Variants in IGSF5 observed in about 807,000 individuals in gnomAD.
IGSF5 encodes immunoglobulin superfamily member 5.
In IGSF5, 41 loss-of-function variants were observed where a neutral mutation model predicts 39.4. That is an observed-to-expected ratio of 1.04 (90% CI 0.81 to 1.35). IGSF5 has a LOEUF of 1.35. Among genes scored for constraint, IGSF5 ranks in the 40% most tolerant of loss-of-function variants. The probability of loss-of-function intolerance (pLI) is 0.00; values close to 1 mark genes in which losing one functional copy is unlikely to be tolerated. For missense variants in IGSF5, 487 were observed against 494.6 expected, an observed-to-expected ratio of 0.98 and a Z score of 0.15; for synonymous variants, 183 against 175.3, an observed-to-expected ratio of 1.04 and a Z score of -0.34.
At chr21:39,768,580 T>C (rs914134810) in intron 3 of IGSF5, among the ~76,000 whole-genome samples, 3 of 152,200 alleles carry the variant, frequency 2.0e-5, no homozygotes, top group Non-Finnish European at 4.4e-5. Flanking sequence ...CTAGACCTCT[T>C]ATGTTTTGAG....
At chr21:39,769,214 G>A (rs1447179626) in intron 3 of IGSF5, among the ~76,000 whole-genome samples, 1 of 152,186 alleles carries the variant, frequency 6.6e-6, no homozygotes, top group East Asian at 1.9e-4. Flanking sequence ...GGTGGCTCAT[G>A]CCTGTAATCC....
intron 5 of IGSF5, among the ~76,000 whole-genome samples, chr21:39,780,706 C>T (rs1052196528): frequency 1.3e-5 from 2 of 152,094 alleles, no homozygotes; most frequent in African/African-American, 4.8e-5. Context: ...AAGCAGTAGC[C>T]TTGCTTGCGG....
chr21:39,790,978 C>T (rs1365994146), intron 6 of IGSF5, among the ~76,000 whole-genome samples: 1 of 152,138 alleles, frequency 6.6e-6, no homozygotes, highest in South Asian at 2.1e-4. Flanking sequence ...ATGTTATATG[C>T]ATATGCAAAT....
the IGSF5 span, among the ~76,000 whole-genome samples, chr21:39,726,897 T>C: frequency 6.6e-6 from 1 of 152,164 alleles, no homozygotes; most frequent in African/African-American, 2.4e-5. Context: ...TCCACTGCTT[T>C]GACCACATAT....
chr21:39,740,838 G>C (rs1362070563), upstream of IGSF5, among the ~76,000 whole-genome samples: 1 of 152,222 alleles, frequency 6.6e-6, no homozygotes, highest in African/African-American at 2.4e-5. Context: ...TGATATTTAA[G>C]TAAATGGTTG....
chr21:39,790,412 C>A (rs545116652), intron 6 of IGSF5, among the ~76,000 whole-genome samples: 3 of 152,144 alleles, frequency 2.0e-5, no homozygotes, highest in Non-Finnish European at 4.4e-5. Context: ...GTAGTCCCAG[C>A]GCTTTGGGAG....
At chr21:39,727,115 C>A in the IGSF5 span, among the ~76,000 whole-genome samples, 2 of 152,196 alleles carry the variant, frequency 1.3e-5, no homozygotes, top group African/African-American at 4.8e-5. Flanking sequence ...GAAACCAAAT[C>A]TTGGAAGTAG....
intron 2 of IGSF5, among the ~76,000 whole-genome samples, chr21:39,756,871 TGGAA>T (rs1481125756): frequency 6.6e-6 from 1 of 151,930 alleles, no homozygotes; most frequent in Non-Finnish European, 1.5e-5. Context: ...CAAAGGGGGT[TGGAA>T]GGAAGGAACA....
At position 39,745,221 on chromosome 21, in the gene IGSF5, G is replaced by T. The variant is rs1388121570; in HGVS notation, c.-289G>T. Among the ~76,000 whole-genome samples the T allele has an allele frequency of 3.3e-5, 5 of 151,518 alleles. No individual in the cohort carries two copies. Among genetic ancestry groups the T allele is most frequent in the Admixed American group, 6.6e-5 (1 of 15,206 alleles). ...TCTCTCTTAGCCATTACAAACTTGG[G>T]GCCCTGGCAAGGGTGGTGGGGAATG... On this transcript the variant is annotated 5_prime_UTR_variant, in exon 1 of 9. Coordinates refer to ENST00000380588, the MANE Select transcript of IGSF5 (RefSeq NM_001080444.2).
intron 2 of IGSF5, among the ~76,000 whole-genome samples, chr21:39,749,858 G>A (rs192707868): frequency 5.1e-4 from 78 of 152,308 alleles, no homozygotes; most frequent in Non-Finnish European, 9.0e-4. Context: ...TAAGCAATAC[G>A]GCAGAGAAAG....
chr21:39,761,636 A>G (rs1010528697), intron 2 of IGSF5, among the ~76,000 whole-genome samples: 4 of 152,230 alleles, frequency 2.6e-5, no homozygotes, highest in Non-Finnish European at 5.9e-5. Flanking sequence ...GATGTACAAG[A>G]TGATGGCATG....
intron 3 of IGSF5, among the ~76,000 whole-genome samples, chr21:39,766,533 G>T (rs1409299167): frequency 6.6e-6 from 1 of 152,126 alleles, no homozygotes; most frequent in Non-Finnish European, 1.5e-5. Flanking sequence ...ACTACAGTGG[G>T]ATAGTCATTA....
At chr21:39,762,723 T>G (rs1450881147) in intron 2 of IGSF5, among the ~76,000 whole-genome samples, 3 of 152,222 alleles carry the variant, frequency 2.0e-5, no homozygotes, top group Admixed American at 1.3e-4. Flanking sequence ...TTACCTGTCA[T>G]GTGATGCTAT....
intron 2 of IGSF5, among the ~76,000 whole-genome samples, chr21:39,759,270 C>T (rs1342262749): frequency 6.6e-6 from 1 of 152,132 alleles, no homozygotes; most frequent in Non-Finnish European, 1.5e-5. Context: ...CTAAGAGCAC[C>T]AGAATGTGGT....
the IGSF5 span, among the ~76,000 whole-genome samples, chr21:39,716,354 A>G: frequency 6.6e-6 from 1 of 152,022 alleles, no homozygotes; most frequent in African/African-American, 2.4e-5. Flanking sequence ...TTTTAAAAAA[A>G]TTTATTTTAG....
At chr21:39,781,828 T>A (rs932693496) in intron 5 of IGSF5, among the ~76,000 whole-genome samples, 3 of 152,236 alleles carry the variant, frequency 2.0e-5, no homozygotes, top group Admixed American at 6.5e-5. Context: ...ATTTTCTCTC[T>A]CAGATTTTTG....
chr21:39,779,335 ATACT>A (rs761027698), intron 5 of IGSF5, 30 bp downstream of exon 5: 4 of 1,602,636 alleles, frequency 2.5e-6, no homozygotes, highest in Non-Finnish European at 3.4e-6. Flanking sequence ...ACATTTGTAC[ATACT>A]TCTGAACTTT....
upstream of IGSF5, among the ~76,000 whole-genome samples, chr21:39,741,635 C>G (rs2079949193): frequency 1.3e-5 from 2 of 152,166 alleles, no homozygotes; most frequent in African/African-American, 4.8e-5. Flanking sequence ...GGGCTAATGC[C>G]TGGCCAAATA....
At chr21:39,789,818 A>C (rs1033626048) in intron 6 of IGSF5, among the ~76,000 whole-genome samples, 1 of 152,222 alleles carries the variant, frequency 6.6e-6, no homozygotes, top group Admixed American at 6.5e-5. Flanking sequence ...CATTTTGTGA[A>C]ATTTGGATTA....
Sources: allele counts gnomAD v4.1 joint callset (sites outside exome capture counted in the v4.1 genomes callset), GRCh38; gene constraint gnomAD v4.1.1; transcripts MANE v1.5; gene names NCBI Gene and HGNC (gene_info 2026-07-23, HGNC 2026-07-21).